The following P2RY8 variants were observed in gnomAD, a reference collection of about 807,000 sequenced individuals.
P2RY8 encodes the protein S-geranylgeranyl-glutathione receptor P2RY8.
Under a neutral mutation model 10.0 loss-of-function variants are expected in P2RY8, and 6 were observed. The observed-to-expected ratio is 0.60, with a 90% CI of 0.33 to 1.19. The LOEUF is 1.19. P2RY8 is among the 50% of genes most tolerant of loss of function. The pLI is 0.04. For synonymous variants in P2RY8, 276 were observed against 252.5 expected, an observed-to-expected ratio of 1.09 and a Z score of -0.88; for missense variants, 456 against 542.0, an observed-to-expected ratio of 0.84 and a Z score of 1.58.
At chrX:1,504,045 T>A (rs1183616609) in intron 1 of P2RY8, among the ~76,000 whole-genome samples, 1 of 151,948 alleles carries the variant, frequency 6.6e-6, no homozygotes, top group Non-Finnish European at 1.5e-5. Context: ...CTGCTGGACG[T>A]GGTGGCTCAC....
In P2RY8 at chrX:1,509,965, GCATC is replaced by G. The variant is rs1176524336; in HGVS notation, c.-25+26952_-25+26955del. 3.4e-4 allele frequency among the ~76,000 whole-genome samples: 22 copies of G among 63,836 alleles called. No homozygotes were observed. In the East Asian group the frequency reaches 6.6e-3, roughly 19 times the overall value. The allele number at this position is 63,836 out of a possible 152,430, so 41.9% of individuals were successfully genotyped here. A position where few individuals can be genotyped will look rare whatever the true frequency, so the allele number is the denominator to read the frequency against. On this transcript the variant is annotated intron_variant, in intron 1 of 1. Coordinates refer to ENST00000381297, the MANE Select transcript of P2RY8 (RefSeq NM_178129.5). ...ATCCATCTATGTAAATATTATCTATGCATCCATCCATCCATCCATCATCTATGTA... is the reference window on the plus strand; with the variant it reads ...ATCCATCTATGTAAATATTATCTATGCATCCATCCATCCATCATCTATGTA...
chrX:1,501,547 A>AT (rs1408596737), intron 1 of P2RY8, among the ~76,000 whole-genome samples: 1 of 151,930 alleles, frequency 6.6e-6, no homozygotes, highest in Non-Finnish European at 1.5e-5. Context: ...TTTTGTAGAC[A>AT]TAGGGGTCTC....
intron 1 of P2RY8, among the ~76,000 whole-genome samples, chrX:1,504,166 A>G (rs374110871): frequency 1.1e-3 from 160 of 151,462 alleles, no homozygotes; most frequent in African/African-American, 3.6e-3. Flanking sequence ...AAATACAAAA[A>G]TTAGCTGGGC....
rs770613275 is a variant in P2RY8 at position 1,491,793 on chromosome X, A to AAATG, written c.-24-25215_-24-25212dup. ...GACGGAATGTGTGGAGCAAATGAGT[A>AAATG]AATGAATGAATGAATGAATGAATGC... On this transcript the variant is annotated intron_variant, in intron 1 of 1. Coordinates refer to ENST00000381297, the MANE Select transcript of P2RY8 (RefSeq NM_178129.5). Among the ~76,000 whole-genome samples the AAATG allele has an allele frequency of 1.2e-3, 177 of 150,388 alleles. 1 individual carries two copies. Among genetic ancestry groups the AAATG allele is most frequent in the Middle Eastern group, 6.9e-3 (2 of 288 alleles).
chrX:1,467,251 C>T (rs2091698578), intron 1 of P2RY8, among the ~76,000 whole-genome samples: 1 of 152,142 alleles, frequency 6.6e-6, no homozygotes, highest in South Asian at 2.1e-4. Flanking sequence ...CTTTTAACAC[C>T]CGCGTCAACC....
chrX:1,532,741 C>T lies in P2RY8; in HGVS notation c.-25+4180G>A, dbSNP rs1459343630. 2.6e-5 allele frequency among the ~76,000 whole-genome samples: 4 copies of T among 151,904 alleles called. 1 individual carries two copies. Among genetic ancestry groups the T allele is most frequent in the African/African-American group, 9.7e-5 (4 of 41,366 alleles). On this transcript the variant is annotated intron_variant, in intron 1 of 1. Transcript: ENST00000381297. ...CAACGGCCGGATGCGGTGGCTCACA[C>T]CTGTCATCCCAGCACTTTGGGAGGT...
chrX:1,530,812 ATATC>A (rs1419201792), intron 1 of P2RY8, among the ~76,000 whole-genome samples: 7 of 151,066 alleles, frequency 4.6e-5, no homozygotes, highest in South Asian at 2.1e-4. Context: ...TATTATCTAT[ATATC>A]TATCTGTCTA....
intron 1 of P2RY8, among the ~76,000 whole-genome samples, chrX:1,467,600 G>A (rs1192443687): frequency 6.6e-6 from 1 of 152,250 alleles, no homozygotes; most frequent in Non-Finnish European, 1.5e-5. Context: ...AAAAGTGTCT[G>A]TCAAAGGGAC....
rs1201683452 is a variant in P2RY8 at position 1,508,704 on chromosome X, T to TCCATCTATTCTA, written c.-25+28216_-25+28217insTAGAATAGATGG. Among the ~76,000 whole-genome samples, 814 of 112,008 alleles carry TCCATCTATTCTA rather than the reference T, an allele frequency of 7.3e-3. 15 individuals carry two copies. Among genetic ancestry groups the TCCATCTATTCTA allele is most frequent in the South Asian group, 9.8e-3 (34 of 3,452 alleles). The allele number at this position is 112,008 out of a possible 152,430, so 73.5% of individuals were successfully genotyped here. On this transcript the variant is annotated intron_variant, in intron 1 of 1. Transcript: ENST00000381297. ...CATCATCCATCCATCCATCCATCCA[T>TCCATCTATTCTA]TCTATCTATCTATCTATCTATCTAT... is the stretch of plus-strand genomic sequence containing the variant.
In P2RY8 at chrX:1,465,304, C is replaced by T. The variant is rs1287755608; in HGVS notation, c.*175G>A. 9.5e-7 allele frequency: 1 copy of T among 1,047,830 alleles called. No individual in the cohort carries two copies. Among genetic ancestry groups the T allele is most frequent in the African/African-American group, 1.6e-5 (1 of 62,506 alleles). 64.9% of individuals were successfully genotyped at this position (1,047,830 alleles called of 1,614,324 possible). A position where few individuals can be genotyped will look rare whatever the true frequency, so the allele number is the denominator to read the frequency against. On this transcript the variant is annotated 3_prime_UTR_variant, in exon 2 of 2. Transcript: ENST00000381297. ...GTGAAGCCTGGAGACCCTTCCTCAC[C>T]GGTGCCTCTGCAGTGCCTGGGAGGA...
chrX:1,498,522 ATT>A (rs765334199), intron 1 of P2RY8, among the ~76,000 whole-genome samples: 14 of 146,814 alleles, frequency 9.5e-5, no homozygotes, highest in Admixed American at 1.4e-4. Context: ...CCAACTCTGT[ATT>A]TTTTTTTTTT....
At position 1,527,154 on chromosome X, in the gene P2RY8, C is replaced by T. The variant is rs542747081; in HGVS notation, c.-25+9767G>A. Among the ~76,000 whole-genome samples the T allele has an allele frequency of 1.4e-4, 22 of 152,292 alleles. 1 individual carries two copies. The highest frequency in any genetic ancestry group is 4.1e-4 in the African/African-American group (17 of 41,570). Reference sequence around the variant, plus strand: ...AGGTGATCCGCCTACCTCAGACTCCCAAAGTGCTGGGATTACAGGCGTGAG... The same window carrying T: ...AGGTGATCCGCCTACCTCAGACTCCTAAAGTGCTGGGATTACAGGCGTGAG... On this transcript the variant is annotated intron_variant, in intron 1 of 1. Coordinates refer to ENST00000381297, the MANE Select transcript of P2RY8 (RefSeq NM_178129.5).
chrX:1,503,108 C>T (rs1184283200), intron 1 of P2RY8, among the ~76,000 whole-genome samples: 6 of 150,926 alleles, frequency 4.0e-5, no homozygotes, highest in South Asian at 2.1e-4. Context: ...GAAGAGGAGA[C>T]GCAGACACAG....
intron 1 of P2RY8, among the ~76,000 whole-genome samples, chrX:1,467,816 A>G (rs1216189875): frequency 1.3e-5 from 2 of 152,080 alleles, no homozygotes; most frequent in Non-Finnish European, 2.9e-5. Flanking sequence ...AGTTGGGACT[A>G]CAGGTGAGAG....
At chrX:1,496,595 C>T (rs1464397659) in intron 1 of P2RY8, among the ~76,000 whole-genome samples, 2 of 152,062 alleles carry the variant, frequency 1.3e-5, no homozygotes, top group East Asian at 3.9e-4. Flanking sequence ...GTGGTGTCCC[C>T]TTAAAACATT....
chrX:1,476,403 C>A (rs1193940168), intron 1 of P2RY8, among the ~76,000 whole-genome samples: 2 of 151,568 alleles, frequency 1.3e-5, no homozygotes, highest in African/African-American at 4.9e-5. Context: ...GGTGAAACCC[C>A]TTCTCTACTA....
chrX:1,487,066 C>T (rs113714298), intron 1 of P2RY8, among the ~76,000 whole-genome samples: 6,644 of 152,274 alleles, frequency 0.044, 485 homozygotes, highest in African/African-American at 0.15. Context: ...GGGCCGGCTG[C>T]GCAAGCCTTC....
rs1483735353 is a variant in P2RY8 at position 1,464,444 on chromosome X, G to C, written c.*1035C>G. 4.3e-6 allele frequency: 1 copy of C among 233,348 alleles called. No homozygotes were observed. Among genetic ancestry groups the C allele is most frequent in the Non-Finnish European group, 8.5e-6 (1 of 118,202 alleles). 14.5% of individuals were successfully genotyped at this position (233,348 alleles called of 1,614,324 possible). On this transcript the variant is annotated 3_prime_UTR_variant, in exon 2 of 2. Transcript: ENST00000381297. Reference sequence around the variant, plus strand: ...CTGCTTGGTCTCCAAACGGTCTCATGGGTCAGGCCAGTTGCCTGCTTCCTG... The same window carrying C: ...CTGCTTGGTCTCCAAACGGTCTCATCGGTCAGGCCAGTTGCCTGCTTCCTG...
chrX:1,507,492 G>A (rs1168322362), intron 1 of P2RY8, among the ~76,000 whole-genome samples: 2 of 152,094 alleles, frequency 1.3e-5, no homozygotes, highest in East Asian at 3.9e-4. Flanking sequence ...AAAAGCTGTC[G>A]CTCATATCCC....
Sources: allele counts gnomAD v4.1 joint callset (sites outside exome capture counted in the v4.1 genomes callset), GRCh38; gene constraint gnomAD v4.1.1; transcripts MANE v1.5; gene names NCBI Gene and HGNC (gene_info 2026-07-23, HGNC 2026-07-21).